The following APOL4 variants were observed in gnomAD, a reference collection of about 807,000 sequenced individuals.
The protein encoded by APOL4 is apolipoprotein L4.
APOL4 carries 14 observed loss-of-function variants against 12.1 expected under a neutral mutation model. The observed-to-expected ratio is 1.16, with a 90% CI of 0.76 to 1.81. The LOEUF (loss-of-function observed/expected upper bound fraction) is 1.81. Among genes scored for constraint, APOL4 ranks in the 40% most tolerant of loss-of-function variants. The pLI, the probability that APOL4 is intolerant of heterozygous loss-of-function variation, is 0.00. For synonymous variants in APOL4, 171 were observed against 160.6 expected, an observed-to-expected ratio of 1.06 and a Z score of -0.49; for missense variants, 432 against 423.1, an observed-to-expected ratio of 1.02 and a Z score of -0.18.
At chr22:36,197,297 C>A (rs1043885645) in intron 2 of APOL4, among the ~76,000 whole-genome samples, 3 of 152,148 alleles carry the variant, frequency 2.0e-5, no homozygotes, top group African/African-American at 7.2e-5. Context: ...GACTTGGTTG[C>A]CATGGCAACT....
chr22:36,204,211 C>T (rs1163512189), upstream of APOL4, among the ~76,000 whole-genome samples: 4 of 152,208 alleles, frequency 2.6e-5, no homozygotes, highest in Non-Finnish European at 4.4e-5. Context: ...ACCCCGGGGC[C>T]AGCCTGGTTG....
At chr22:36,204,303 G>C (rs1439440867), upstream of APOL4, among the ~76,000 whole-genome samples, 1 of 152,176 alleles carries the variant, frequency 6.6e-6, no homozygotes, top group Non-Finnish European at 1.5e-5. Flanking sequence ...TTCCCAAAGA[G>C]ATGGGCACCC....
intron 3 of APOL4, among the ~76,000 whole-genome samples, chr22:36,194,602 G>A (rs1405251378): frequency 6.6e-6 from 1 of 152,128 alleles, no homozygotes; most frequent in Non-Finnish European, 1.5e-5. Flanking sequence ...CCATCTGATT[G>A]AATTACTAAT....
chr22:36,194,609 T>A (rs77098740), intron 3 of APOL4, among the ~76,000 whole-genome samples: 4,530 of 152,284 alleles, frequency 0.03, 202 homozygotes, highest in African/African-American at 0.1. Context: ...ATTGAATTAC[T>A]AATAGCATTG....
At chr22:36,195,192 T>A (rs2014367336) in intron 3 of APOL4, 119 bp downstream of exon 3, 8 of 1,317,438 alleles carry the variant, frequency 6.1e-6, no homozygotes, top group Non-Finnish European at 7.3e-6. Flanking sequence ...GAGAGGGACA[T>A]CCTCAAGCCC....
chr22:36,191,787 A>C lies in APOL4; in HGVS notation c.335T>G (p.Ile112Ser). ...REWFLKEFPQ[I>S]RWKIQESIER... The stretch of plus-strand genomic sequence containing the variant: ...TATGGACTCCTGAATCTTCCATCTG[A>C]TTTGAGGAAACTCTTTCAAAAACCA... The change falls in exon 4 of 4, where the codon ATC becomes AGC. Residue 112 changes from isoleucine to serine, a missense_variant. Transcript: ENST00000683024. 1 of 1,586,994 alleles carries C rather than the reference A, an allele frequency of 6.3e-7. No homozygotes were observed. Among genetic ancestry groups the C allele is most frequent in the Non-Finnish European group, 8.6e-7 (1 of 1,163,028 alleles).
chr22:36,202,347 T>C (rs141898608), upstream of APOL4, among the ~76,000 whole-genome samples: 343 of 152,308 alleles, frequency 2.3e-3, 3 homozygotes, highest in East Asian at 0.034. Flanking sequence ...TGGCCTCAAG[T>C]GATCTTCCCG....
chr22:36,194,904 G>A (rs940511995), intron 3 of APOL4, among the ~76,000 whole-genome samples: 3 of 152,212 alleles, frequency 2.0e-5, no homozygotes, highest in Admixed American at 2.0e-4. Flanking sequence ...TTTTGGCCCT[G>A]GTCTCTTGCC....
upstream of APOL4, chr22:36,202,213 C>G: frequency 2.1e-6 from 2 of 954,860 alleles, no homozygotes; most frequent in Non-Finnish European, 3.2e-6. Context: ...CTCAAGTGAT[C>G]TTCCTCCTTC....
intron 3 of APOL4, among the ~76,000 whole-genome samples, chr22:36,194,544 G>C (rs1401325074): frequency 1.3e-5 from 2 of 152,102 alleles, no homozygotes; most frequent in Admixed American, 6.6e-5. Context: ...ATGCTATTTG[G>C]TTCCCCACCT....
upstream of APOL4, among the ~76,000 whole-genome samples, chr22:36,203,204 G>A (rs762299438): frequency 1.1e-4 from 16 of 152,282 alleles, no homozygotes; most frequent in South Asian, 1.5e-3. Context: ...GCTCCTAGGC[G>A]GATCGGCAGG....
intron 2 of APOL4, chr22:36,197,740 A>G: frequency 6.4e-7 from 1 of 1,550,592 alleles, no homozygotes; most frequent in Non-Finnish European, 8.7e-7. Flanking sequence ...AGAAAGAACA[A>G]GAACTCCAGG....
In APOL4 at chr22:36,190,701, G is replaced by A. The variant is rs2014218680; in HGVS notation, c.*374C>T. On this transcript the variant is annotated 3_prime_UTR_variant, in exon 4 of 4. Coordinates refer to ENST00000683024, the MANE Select transcript of APOL4 (RefSeq NM_001386885.1). ...CTCTCTTATTCCCTGAACAATTGCT[G>A]TTATCCTGTTCTTTTTTCAAGGTGC... is the stretch of plus-strand genomic sequence containing the variant. 1 of 210,092 alleles carries A rather than the reference G, an allele frequency of 4.8e-6. No homozygotes were observed. The highest frequency in any genetic ancestry group is 9.0e-5 in the South Asian group (1 of 11,116). The allele number at this position is 210,092 out of a possible 1,614,324, so 13.0% of individuals were successfully genotyped here. A position where few individuals can be genotyped will look rare whatever the true frequency, so the allele number is the denominator to read the frequency against.
chr22:36,202,029 C>T (rs1403562110), upstream of APOL4: 14 of 1,614,004 alleles, frequency 8.7e-6, no homozygotes, highest in Admixed American at 1.7e-5. Context: ...CAAAGCAGCT[C>T]CCTCCATGTC....
In APOL4 at chr22:36,199,388, G is replaced by C. The variant is rs1386532939; in HGVS notation, c.36-12C>G. 11 of 1,614,094 alleles carry C rather than the reference G, an allele frequency of 6.8e-6. No homozygotes were observed. In the South Asian group the frequency reaches 1.2e-4, roughly 18 times the overall value. Reference sequence around the variant, plus strand: ...GGTTTTGCTGCACCCTTGAGGAAGAGAAAACAAATTGTGGGATTGAATGTG... The same window carrying C: ...GGTTTTGCTGCACCCTTGAGGAAGACAAAACAAATTGTGGGATTGAATGTG... On this transcript the variant is annotated splice_polypyrimidine_tract_variant and intron_variant, in intron 1 of 3. Coordinates refer to ENST00000683024, the MANE Select transcript of APOL4 (RefSeq NM_001386885.1).
At chr22:36,194,911 T>G (rs551153354) in intron 3 of APOL4, among the ~76,000 whole-genome samples, 1 of 152,370 alleles carries the variant, frequency 6.6e-6, no homozygotes, top group South Asian at 2.1e-4. Flanking sequence ...CCTGGTCTCT[T>G]GCCAGCAAGT....
chr22:36,199,580 C>T, intron 1 of APOL4: 1 of 1,561,324 alleles, frequency 6.4e-7, no homozygotes, highest in Non-Finnish European at 8.7e-7. Context: ...TCTTCCCTCA[C>T]TCTCACACCA....
In APOL4 at chr22:36,191,756, C is replaced by G; in HGVS notation, c.366G>C (p.Arg122Ser). 1.2e-6 allele frequency: 2 copies of G among 1,613,922 alleles called. No homozygotes were observed. The highest frequency in any genetic ancestry group is 1.7e-6 in the Non-Finnish European group (2 of 1,179,880). The part of the protein sequence containing the change: ...IRWKIQESIE[R>S]LRVIANEIEK... ...CAATCTCATTTGCAATGACACGAAG[C>G]CTTTCTATGGACTCCTGAATCTTCC... The change falls in exon 4 of 4, where the codon AGG becomes AGC. Residue 122 changes from arginine to serine, a missense_variant. By Grantham distance (110) the Arg-to-Ser change is moderately radical. Transcript: ENST00000683024.
intron 3 of APOL4, among the ~76,000 whole-genome samples, chr22:36,192,706 G>A (rs770830184): frequency 1.1e-4 from 17 of 152,190 alleles, no homozygotes; most frequent in Non-Finnish European, 1.5e-4. Context: ...TGGTAGGAAC[G>A]TCTTTGTTTC....
Sources: allele counts gnomAD v4.1 joint callset (sites outside exome capture counted in the v4.1 genomes callset), GRCh38; gene constraint gnomAD v4.1.1; transcripts MANE v1.5; gene names NCBI Gene and HGNC (gene_info 2026-07-23, HGNC 2026-07-21).